EPHA4: variants seen among roughly 807,000 people sequenced by gnomAD.
EPHA4 encodes the protein EPH receptor A4.
In EPHA4, 19 loss-of-function variants were observed where a neutral mutation model predicts 108.3. That is an observed-to-expected ratio of 0.18 (90% CI 0.12 to 0.26). The LOEUF (loss-of-function observed/expected upper bound fraction) is 0.26, where lower values mean the gene tolerates loss of function less well. EPHA4 is among the 10% of genes least tolerant of loss of function. The pLI is 1.00. For synonymous variants in EPHA4, 449 were observed against 455.5 expected (o/e 0.99, Z 0.18); for missense variants, 917 against 1,254.0 (o/e 0.73, Z 4.06).
chr2:221,442,972 C>A lies in EPHA4; in HGVS notation c.1931G>T (p.Gly644Val), dbSNP rs377053299. 1 of 1,614,142 alleles carries A rather than the reference C, an allele frequency of 6.2e-7. No homozygotes were observed. Among genetic ancestry groups the A allele is most frequent in the East Asian group, 2.2e-5 (1 of 44,882 alleles). Residue 644 changes from glycine to valine, a missense_variant, in exon 11 of 18, where the codon GGC (glycine) becomes GTC (valine). By Grantham distance (109) the Gly-to-Val change is moderately radical. Coordinates refer to ENST00000281821, the MANE Select transcript of EPHA4 (RefSeq NM_004438.5). ...EVCSGRLKVP[G>V]KREICVAIKT... ...GATAGCCACACAGATCTCTCTCTTGCCAGGCACTTTGAGACGCCCACTGCA... is the reference window on the plus strand; with the variant it reads ...GATAGCCACACAGATCTCTCTCTTGACAGGCACTTTGAGACGCCCACTGCA...
At chr2:221,434,602 C>T (rs150554917) in intron 13 of EPHA4, among the ~76,000 whole-genome samples, 213 of 152,300 alleles carry the variant, frequency 1.4e-3, no homozygotes, top group African/African-American at 4.7e-3. Context: ...GTGTTATCTA[C>T]GGGGTATCAG....
At chr2:221,511,340 A>G (rs1402031161) in intron 3 of EPHA4, among the ~76,000 whole-genome samples, 1 of 152,146 alleles carries the variant, frequency 6.6e-6, no homozygotes, top group Middle Eastern at 3.2e-3. Flanking sequence ...GTATGCACCT[A>G]TAACAATGGC....
At chr2:221,545,214 G>A (rs879801894) in intron 3 of EPHA4, among the ~76,000 whole-genome samples, 42 of 22,642 alleles carry the variant, frequency 1.9e-3, no homozygotes, top group Non-Finnish European at 3.3e-3. Context: ...TTGGGAGACC[G>A]AGGTGGGCGG....
At chr2:221,467,777 G>A (rs754319253) in intron 5 of EPHA4, among the ~76,000 whole-genome samples, 1 of 152,150 alleles carries the variant, frequency 6.6e-6, no homozygotes, top group Non-Finnish European at 1.5e-5. Flanking sequence ...TCTGGGAGCT[G>A]CTTGTTTTAC....
At chr2:221,523,012 G>A (rs1053888429) in intron 3 of EPHA4, among the ~76,000 whole-genome samples, 6 of 151,964 alleles carry the variant, frequency 3.9e-5, no homozygotes, top group African/African-American at 7.3e-5. Flanking sequence ...ATCCGCCTGC[G>A]TCGGCCTCCC....
chr2:221,556,078 A>G (rs1694293575), intron 3 of EPHA4, among the ~76,000 whole-genome samples: 1 of 152,222 alleles, frequency 6.6e-6, no homozygotes, highest in South Asian at 2.1e-4. Flanking sequence ...CAAACATTTT[A>G]TACTCTCAAA....
intron 3 of EPHA4, among the ~76,000 whole-genome samples, chr2:221,547,859 T>C (rs950722100): frequency 3.9e-5 from 6 of 152,186 alleles, no homozygotes; most frequent in African/African-American, 9.7e-5. Flanking sequence ...ATAATAACAG[T>C]ACCTGACTTA....
chr2:221,558,835 C>A lies in EPHA4; in HGVS notation c.823+4896G>T, dbSNP rs200900229. Among the ~76,000 whole-genome samples the A allele has an allele frequency of 4.6e-5, 7 of 152,182 alleles. No homozygotes were observed. In the East Asian group the frequency reaches 1.4e-3, roughly 29 times the overall value. On this transcript the variant is annotated intron_variant, in intron 3 of 17. Transcript: ENST00000281821. ...TAAAGAATTACATTTTTTCAATGAT[C>A]ACAGCCATGCTTCAAAGCCGGAGAT...
At chr2:221,491,351 G>T (rs1254703054) in intron 4 of EPHA4, among the ~76,000 whole-genome samples, 1 of 152,086 alleles carries the variant, frequency 6.6e-6, no homozygotes, top group Admixed American at 6.6e-5. Context: ...TTTAACAGCT[G>T]CAATCAAATC....
intron 4 of EPHA4, among the ~76,000 whole-genome samples, chr2:221,491,117 C>T (rs1308304280): frequency 6.6e-6 from 1 of 152,164 alleles, no homozygotes; most frequent in East Asian, 1.9e-4. Context: ...TCCCATTCTC[C>T]TCTCCAGTGA....
At chr2:221,424,112 T>C (rs1689828734) in intron 17 of EPHA4, among the ~76,000 whole-genome samples, 2 of 147,884 alleles carry the variant, frequency 1.4e-5, no homozygotes, top group African/African-American at 2.5e-5. Context: ...AGACTTTGTC[T>C]CAAATAGTAA....
At chr2:221,498,278 G>C (rs1307009820) in intron 4 of EPHA4, among the ~76,000 whole-genome samples, 8 of 152,168 alleles carry the variant, frequency 5.3e-5, no homozygotes, top group African/African-American at 1.9e-4. Flanking sequence ...CCTAGAGAAG[G>C]CTTTATCTGC....
At chr2:221,537,898 A>G (rs1173077202) in intron 3 of EPHA4, among the ~76,000 whole-genome samples, 3 of 152,240 alleles carry the variant, frequency 2.0e-5, no homozygotes, top group Non-Finnish European at 2.9e-5. Context: ...TGAAGAAGAC[A>G]GTTCCAAAAC....
rs1255388465 is a variant in EPHA4 at position 221,442,961 on chromosome 2, T to C, written c.1942A>G (p.Ile648Val). 3 of 1,614,112 alleles carry C rather than the reference T, an allele frequency of 1.9e-6. No individual in the cohort carries two copies. Among genetic ancestry groups the C allele is most frequent in the Non-Finnish European group, 2.5e-6 (3 of 1,180,016 alleles). Reference protein sequence around the residue: ...GRLKVPGKREICVAIKTLKAG... With the variant: ...GRLKVPGKREVCVAIKTLKAG... The stretch of plus-strand genomic sequence containing the variant: ...TTCAGAGTCTTGATAGCCACACAGA[T>C]CTCTCTCTTGCCAGGCACTTTGAGA... The change falls in exon 11 of 18, where the codon ATC becomes GTC. Residue 648 changes from isoleucine (I) to valine (V), a missense_variant. Physicochemically the swap from Ile to Val is conservative, Grantham distance 29. Coordinates refer to ENST00000281821, the MANE Select transcript of EPHA4 (RefSeq NM_004438.5).
intron 5 of EPHA4, among the ~76,000 whole-genome samples, chr2:221,473,952 T>G (rs1691577213): frequency 6.6e-6 from 1 of 152,188 alleles, no homozygotes; most frequent in South Asian, 2.1e-4. Context: ...CAAATGAACA[T>G]GCATATATCT....
chr2:221,537,665 C>T (rs1693710300), intron 3 of EPHA4, among the ~76,000 whole-genome samples: 1 of 152,232 alleles, frequency 6.6e-6, no homozygotes, highest in Admixed American at 6.5e-5. Context: ...TGGTGCACAC[C>T]TGTAGCCCTA....
upstream of EPHA4, chr2:221,572,365 A>T (rs548220678): frequency 7.6e-5 from 67 of 876,818 alleles, 1 homozygote; most frequent in African/African-American, 8.6e-4. Context: ...CGGTGACGTG[A>T]GCCCGCCAGT....
chr2:221,440,757 A>G (rs1039299295), intron 11 of EPHA4, among the ~76,000 whole-genome samples: 6 of 152,206 alleles, frequency 3.9e-5, no homozygotes, highest in Admixed American at 3.9e-4. Flanking sequence ...CATCCCCAAA[A>G]TAACCTTATA....
chr2:221,458,933 G>A (rs991694648), intron 5 of EPHA4, among the ~76,000 whole-genome samples: 1 of 152,144 alleles, frequency 6.6e-6, no homozygotes, highest in African/African-American at 2.4e-5. Context: ...TAACTCCAAT[G>A]TATATATTCT....
Sources: gnomAD v4.1 joint callset for allele counts (sites outside exome capture counted in the v4.1 genomes callset) on GRCh38, gnomAD v4.1.1 for gene constraint, MANE v1.5 for transcripts, NCBI Gene and HGNC (gene_info 2026-07-23, HGNC 2026-07-21) for gene names.